TTC13: variants seen among roughly 807,000 people sequenced by gnomAD.
TTC13 encodes the protein tetratricopeptide repeat protein 13.
TTC13 carries 62 observed loss-of-function variants against 120.0 expected under a neutral mutation model. The ratio of observed to expected loss-of-function variants is 0.52; its 90% CI spans 0.42 to 0.64. TTC13 has a LOEUF of 0.64. Among genes scored for constraint, TTC13 ranks in the 30% least tolerant of loss-of-function variants. The probability of loss-of-function intolerance (pLI) is 0.00; values close to 1 mark genes in which losing one functional copy is unlikely to be tolerated. For synonymous variants in TTC13, 384 were observed against 393.5 expected, an observed-to-expected ratio of 0.98 and a Z score of 0.28; for missense variants, 824 against 1,050.2, an observed-to-expected ratio of 0.78 and a Z score of 2.98.
chr1:230,929,321 C>T (rs1185963677), intron 11 of TTC13, among the ~76,000 whole-genome samples: 1 of 40,604 alleles, frequency 2.5e-5, no homozygotes, highest in African/African-American at 8.3e-5. Flanking sequence ...ACTTTGGCTA[C>T]ATTTTTTTTT....
In TTC13 at chr1:230,941,609, A is replaced by G. The variant is rs190949075; in HGVS notation, c.673-1053T>C. On this transcript the variant is annotated intron_variant, in intron 6 of 22. Coordinates refer to ENST00000366661, the MANE Select transcript of TTC13 (RefSeq NM_024525.5). ...TAAGCCACCATGTCCAGCCTATTCC[A>G]TCCTTATTAGACAGGTTATTTCTAC... is the stretch of plus-strand genomic sequence containing the variant. 2.9e-4 allele frequency among the ~76,000 whole-genome samples: 44 copies of G among 152,272 alleles called. 1 individual carries two copies. In the East Asian group the frequency reaches 8.5e-3, roughly 29 times the overall value.
chr1:230,945,381 A>G lies in TTC13; in HGVS notation c.579+8T>C. The G allele has an allele frequency of 6.2e-7, 1 of 1,613,498 alleles. No homozygotes were observed. Among genetic ancestry groups the G allele is most frequent in the Non-Finnish European group, 8.5e-7 (1 of 1,179,428 alleles). On this transcript the variant is annotated splice_region_variant and intron_variant, in intron 5 of 22. Transcript: ENST00000366661. ...GCGCTATGGCAATCGTAACTATTAC[A>G]TACTCACATGTAGTCCCTTCTTTCC...
In TTC13 at chr1:230,929,008, G is replaced by T. The variant is rs147460761; in HGVS notation, c.1386C>A (p.Asp462Glu). 6.2e-7 allele frequency: 1 copy of T among 1,614,028 alleles called. No individual in the cohort carries two copies. The highest frequency in any genetic ancestry group is 1.3e-5 in the African/African-American group (1 of 74,922). The change falls in exon 12 of 23, where the codon GAC (aspartate) becomes GAA (glutamate). Residue 462 changes from aspartate (D) to glutamate (E), a missense_variant. Physicochemically the swap from Asp to Glu is conservative, Grantham distance 45. Coordinates refer to ENST00000366661, the MANE Select transcript of TTC13 (RefSeq NM_024525.5). ...IDVDLPGSFK[D>E]HWAKNLPFLI... is the part of the protein sequence containing the mutation. ...GGAAAGGCAAATTTTTAGCCCAGTG[G>T]TCCTTAAAGCTTCCAGGCAGATCCA... is the stretch of plus-strand genomic sequence containing the variant.
In TTC13 at chr1:230,961,319, T is replaced by G. The variant is rs776432038; in HGVS notation, c.272-16A>C. 1.9e-5 allele frequency: 30 copies of G among 1,569,146 alleles called. No homozygotes were observed. Among genetic ancestry groups the G allele is most frequent in the Non-Finnish European group, 2.5e-5 (28 of 1,141,680 alleles). ...AAGGATGACTCTGAAAGGCAAGCAT[T>G]CTTTGTTATTCTCTACACCTTAATT... is the stretch of plus-strand genomic sequence containing the variant. On this transcript the variant is annotated splice_polypyrimidine_tract_variant and intron_variant, in intron 1 of 22. Coordinates refer to ENST00000366661, the MANE Select transcript of TTC13 (RefSeq NM_024525.5).
chr1:230,911,686 A>C, intron 19 of TTC13, 137 bp from the exon 20 acceptor site: 5 of 544,108 alleles, frequency 9.2e-6, no homozygotes, highest in Non-Finnish European at 1.2e-5. Flanking sequence ...TCTACTTTTC[A>C]AATTCTTGAA....
At chr1:230,975,314 C>T (rs921978142) in intron 1 of TTC13, among the ~76,000 whole-genome samples, 2 of 152,020 alleles carry the variant, frequency 1.3e-5, no homozygotes, top group Non-Finnish European at 2.9e-5. Flanking sequence ...TTTAAGGCTG[C>T]AGTGAGCTAT....
intron 17 of TTC13, 100 bp from the exon 18 acceptor site, chr1:230,916,402 A>AG (rs993302927): frequency 2.8e-5 from 24 of 856,252 alleles, no homozygotes; most frequent in Non-Finnish European, 4.7e-5. Context: ...GTTTTTAAAA[A>AG]GGGCCAAGGA....
chr1:230,947,636 G>A (rs915596880), intron 4 of TTC13, among the ~76,000 whole-genome samples: 7 of 152,084 alleles, frequency 4.6e-5, no homozygotes, highest in Non-Finnish European at 8.8e-5. Flanking sequence ...GCCATCCTGG[G>A]CTGCATGTGG....
chr1:230,921,113 G>A (rs939359384), intron 16 of TTC13, among the ~76,000 whole-genome samples: 2 of 152,092 alleles, frequency 1.3e-5, no homozygotes, highest in African/African-American at 2.4e-5. Context: ...TTCAAGTGAA[G>A]GAGAGTAAGT....
intron 2 of TTC13, among the ~76,000 whole-genome samples, chr1:230,960,737 C>T (rs1558216058): frequency 6.6e-6 from 1 of 152,030 alleles, no homozygotes. Context: ...AAAAGAAGAC[C>T]CATCCCTCTT....
chr1:230,930,332 C>G (rs1275677008), intron 11 of TTC13, among the ~76,000 whole-genome samples: 1 of 152,184 alleles, frequency 6.6e-6, no homozygotes, highest in South Asian at 2.1e-4. Context: ...AATTCCACTT[C>G]TTTGATTTTC....
intron 1 of TTC13, among the ~76,000 whole-genome samples, chr1:230,971,824 G>T (rs1020880802): frequency 6.6e-6 from 1 of 152,130 alleles, no homozygotes. Flanking sequence ...AACAAAACAG[G>T]CCTTCCCCAC....
intron 4 of TTC13, among the ~76,000 whole-genome samples, chr1:230,948,909 G>C (rs915426199): frequency 6.6e-6 from 1 of 151,896 alleles, no homozygotes; most frequent in Non-Finnish European, 1.5e-5. Flanking sequence ...CCATTGCCTC[G>C]GTCCCCAAGA....
intron 1 of TTC13, among the ~76,000 whole-genome samples, chr1:230,969,226 C>T (rs578014931): frequency 2.6e-5 from 4 of 151,904 alleles, no homozygotes; most frequent in Non-Finnish European, 4.4e-5. Flanking sequence ...TGCGCCACTG[C>T]ACTCCAGCCT....
chr1:230,919,363 G>A (rs900657285), intron 17 of TTC13, among the ~76,000 whole-genome samples: 5 of 152,022 alleles, frequency 3.3e-5, no homozygotes, highest in African/African-American at 7.2e-5. Flanking sequence ...CTCACATGAC[G>A]GAAGCTGGAA....
chr1:230,961,310 G>T lies in TTC13; in HGVS notation c.272-7C>A. On this transcript the variant is annotated splice_region_variant and splice_polypyrimidine_tract_variant and intron_variant, in intron 1 of 22. Coordinates refer to ENST00000366661, the MANE Select transcript of TTC13 (RefSeq NM_024525.5). ...AAGTTCAAAAAGGATGACTCTGAAA[G>T]GCAAGCATTCTTTGTTATTCTCTAC... The T allele has an allele frequency of 6.2e-7, 1 of 1,604,388 alleles. No individual in the cohort carries two copies. Among genetic ancestry groups the T allele is most frequent in the Non-Finnish European group, 8.5e-7 (1 of 1,172,226 alleles).
chr1:230,965,168 C>G (rs1677017666), intron 1 of TTC13, among the ~76,000 whole-genome samples: 1 of 152,142 alleles, frequency 6.6e-6, no homozygotes, highest in Admixed American at 6.6e-5. Flanking sequence ...GCAAAAGATA[C>G]AAGCAACAAA....
intron 20 of TTC13, among the ~76,000 whole-genome samples, chr1:230,909,900 T>C (rs980141719): frequency 1.0e-4 from 15 of 146,980 alleles, no homozygotes; most frequent in African/African-American, 3.8e-4. Context: ...AGGTCTGGGG[T>C]AGGAGGCATT....
chr1:230,913,017 T>C (rs1276280617), intron 18 of TTC13, among the ~76,000 whole-genome samples: 2 of 152,152 alleles, frequency 1.3e-5, no homozygotes, highest in African/African-American at 2.4e-5. Flanking sequence ...CATGTACTTA[T>C]TACACAAACT....
Sources: gnomAD v4.1 joint callset for allele counts (sites outside exome capture counted in the v4.1 genomes callset) on GRCh38, gnomAD v4.1.1 for gene constraint, MANE v1.5 for transcripts, NCBI Gene and HGNC (gene_info 2026-07-23, HGNC 2026-07-21) for gene names.